Variants in SLC38A8 observed in about 807,000 individuals in gnomAD.
SLC38A8 encodes the protein amino acid transporter SLC38A8.
A neutral mutation model predicts 46.0 loss-of-function variants in SLC38A8; 65 were observed. The observed-to-expected ratio is 1.41, with a 90% confidence interval of 1.16 to 1.74. The LOEUF is 1.74. Ranked by LOEUF, SLC38A8 falls within the 40% of genes most tolerant of loss-of-function variation. SLC38A8 has a pLI of 0.00. For missense variants in SLC38A8, 998 were observed against 567.9 expected, an observed-to-expected ratio of 1.76 and a Z score of -7.70; for synonymous variants, 447 against 243.7, an observed-to-expected ratio of 1.83 and a Z score of -7.77.
At chr16:84,015,643 G>A (rs1256457856) in intron 9 of SLC38A8, among the ~76,000 whole-genome samples, 2 of 152,084 alleles carry the variant, frequency 1.3e-5, no homozygotes, top group African/African-American at 2.4e-5. Flanking sequence ...CGTCAAGAAT[G>A]TCCATCAGGA....
intron 10 of SLC38A8, among the ~76,000 whole-genome samples, chr16:84,011,491 G>A (rs533889803): frequency 1.3e-5 from 2 of 152,294 alleles, no homozygotes; most frequent in East Asian, 1.9e-4. Flanking sequence ...GGGGCTAGAG[G>A]GCCGGGGGTA....
intron 6 of SLC38A8, among the ~76,000 whole-genome samples, chr16:84,027,247 G>T (rs1224465555): frequency 6.6e-6 from 1 of 152,186 alleles, no homozygotes; most frequent in African/African-American, 2.4e-5. Context: ...CTACTCAAGA[G>T]GCTGAGGCAG....
rs748184567 is a variant in SLC38A8 at position 84,036,686 on chromosome 16, C to A, written c.388+16G>T. ...CCGGCACCCTGGGCCACCCCGAGTC[C>A]CATGAAGGTACTTACGCTTCTCCAG... On this transcript the variant is annotated intron_variant, in intron 3 of 10. Transcript: ENST00000299709. 1.1e-5 allele frequency: 17 copies of A among 1,613,916 alleles called. No individual in the cohort carries two copies. Among genetic ancestry groups the A allele is most frequent in the East Asian group, 2.2e-5 (1 of 44,878 alleles).
rs202194881 is a variant in SLC38A8, at chr16:84,042,163, G to A, written c.-2-4C>T. ...CCTGGGGTCTGTCCCTCCATGGCTA[G>A]AGGCGGCAGAGGGGTGGAGAGAAAG... On this transcript the variant is annotated splice_region_variant and splice_polypyrimidine_tract_variant and intron_variant, in intron 1 of 10. Transcript: ENST00000299709. The A allele has an allele frequency of 1.9e-6, 3 of 1,604,280 alleles. No individual in the cohort carries two copies. The South Asian group carries it at 3.4e-5, about 18-fold the overall frequency.
intron 3 of SLC38A8, among the ~76,000 whole-genome samples, chr16:84,036,366 CATT>C (rs2085299215): frequency 2.6e-5 from 4 of 152,236 alleles, no homozygotes; most frequent in African/African-American, 9.6e-5. Flanking sequence ...GAGCCACAGC[CATT>C]CCAAAGCTAA....
In SLC38A8 at chr16:84,036,200, G is replaced by A. The variant is rs116872987; in HGVS notation, c.388+502C>T. Among the ~76,000 whole-genome samples, 921 of 152,320 alleles carry A rather than the reference G, an allele frequency of 6.0e-3. 4 individuals carry two copies. The highest frequency in any genetic ancestry group is 9.2e-3 in the Non-Finnish European group (625 of 68,018). ...CATCTCACAAGTCAAAGAAACCACA[G>A]TGAAAAGGAGCAAATATTTTAAATT... On this transcript the variant is annotated intron_variant, in intron 3 of 10. Transcript: ENST00000299709.
intron 6 of SLC38A8, among the ~76,000 whole-genome samples, chr16:84,028,444 G>C (rs2151122274): frequency 6.6e-6 from 1 of 151,982 alleles, no homozygotes; most frequent in East Asian, 1.9e-4. Context: ...AATTAGCCAG[G>C]CATGGTGGTG....
Position 84,013,054 on chromosome 16 carries a change from T to A in SLC38A8, c.1163-2A>T, listed in dbSNP as rs903298698. On this transcript the variant is annotated splice_acceptor_variant, in intron 9 of 10. Coordinates refer to ENST00000299709, the MANE Select transcript of SLC38A8 (RefSeq NM_001080442.3). LOFTEE classifies it high-confidence loss of function. ...CCATTGCACAGATGAGGCACAAACC[T>A]GCAAAAAAGACAGGGTCACCCACAG... The A allele has an allele frequency of 1.2e-6, 2 of 1,613,298 alleles. No homozygotes were observed. The highest frequency in any genetic ancestry group is 1.7e-6 in the Non-Finnish European group (2 of 1,179,692).
chr16:84,030,278 A>G (rs1030581639), intron 5 of SLC38A8, among the ~76,000 whole-genome samples: 2 of 152,138 alleles, frequency 1.3e-5, no homozygotes, highest in Admixed American at 6.5e-5. Context: ...TGGCCTGACC[A>G]CACTTTGATC....
intron 6 of SLC38A8, among the ~76,000 whole-genome samples, chr16:84,026,270 C>G (rs368449939): frequency 8.5e-5 from 13 of 152,302 alleles, no homozygotes; most frequent in Admixed American, 5.9e-4. Flanking sequence ...CGCTCCATCG[C>G]CCAGGCTGGA....
At chr16:84,018,186 T>C (rs541669316) in intron 7 of SLC38A8, among the ~76,000 whole-genome samples, 8 of 151,130 alleles carry the variant, frequency 5.3e-5, no homozygotes, top group African/African-American at 1.9e-4. Context: ...CATAGGGCAT[T>C]GTATAGCAAG....
chr16:84,013,432 T>TG (rs1388491648), intron 9 of SLC38A8, among the ~76,000 whole-genome samples: 2,019 of 122,876 alleles, frequency 0.016, 62 homozygotes, highest in African/African-American at 0.063. Context: ...GTGTTTTTTT[T>TG]TTTTTTTTTT....
At chr16:84,021,463 C>T (rs745828566) in intron 7 of SLC38A8, among the ~76,000 whole-genome samples, 2 of 152,210 alleles carry the variant, frequency 1.3e-5, no homozygotes, top group Admixed American at 6.5e-5. Context: ...GTCCTTTACT[C>T]CAGCTTCCAA....
chr16:84,034,017 A>T (rs9922874), intron 3 of SLC38A8, among the ~76,000 whole-genome samples: 2 of 152,098 alleles, frequency 1.3e-5, no homozygotes, highest in African/African-American at 2.4e-5. Flanking sequence ...CTCCATATAG[A>T]ATTGGCTGAG....
At chr16:84,039,515 C>A (rs547624665) in intron 2 of SLC38A8, among the ~76,000 whole-genome samples, 1 of 152,010 alleles carries the variant, frequency 6.6e-6, no homozygotes. Context: ...GAGGCCAAGG[C>A]GGGTGGATCA....
intron 7 of SLC38A8, among the ~76,000 whole-genome samples, chr16:84,021,421 A>G (rs1361167932): frequency 6.6e-6 from 1 of 152,182 alleles, no homozygotes; most frequent in African/African-American, 2.4e-5. Flanking sequence ...GACACAGTTC[A>G]GCCAAATTAT....
chr16:84,035,133 G>A (rs180840903), intron 3 of SLC38A8, among the ~76,000 whole-genome samples: 1 of 152,324 alleles, frequency 6.6e-6, no homozygotes, highest in Non-Finnish European at 1.5e-5. Context: ...CCTCTGACTA[G>A]TCAGGGGGCT....
rs182538906 is a variant in SLC38A8, at chr16:84,011,692, G to C, written c.1214+1309C>G. 2.7e-3 allele frequency among the ~76,000 whole-genome samples: 412 copies of C among 152,300 alleles called. 2 individuals are homozygous for C. The highest frequency in any genetic ancestry group is 9.1e-3 in the African/African-American group (378 of 41,556). On this transcript the variant is annotated intron_variant, in intron 10 of 10. Transcript: ENST00000299709. Reference sequence around the variant, plus strand: ...TGAGAGAAGATACAACCTAGATTTAGGGTGGACCCTAATCTGATGGTAGGT... The same window carrying C: ...TGAGAGAAGATACAACCTAGATTTACGGTGGACCCTAATCTGATGGTAGGT...
intron 2 of SLC38A8, 74 bp downstream of exon 2, chr16:84,041,895 A>G: frequency 1.5e-6 from 2 of 1,370,280 alleles, no homozygotes; most frequent in Non-Finnish European, 2.0e-6. Flanking sequence ...CGCAGAAGCA[A>G]TGCGAGGAAC....
Sources: gnomAD v4.1 joint callset for allele counts (sites outside exome capture counted in the v4.1 genomes callset) on GRCh38, gnomAD v4.1.1 for gene constraint, MANE v1.5 for transcripts, NCBI Gene and HGNC (gene_info 2026-07-23, HGNC 2026-07-21) for gene names.